The following NUP205 variants were observed in gnomAD, a reference collection of about 807,000 sequenced individuals.
The protein encoded by NUP205 is nuclear pore complex protein Nup205.
A neutral mutation model predicts 253.8 loss-of-function variants in NUP205; 76 were observed. The observed-to-expected ratio is 0.30, with a 90% CI of 0.25 to 0.36. NUP205 has a LOEUF of 0.36. Ranked by LOEUF, NUP205 falls within the 10% of genes least tolerant of loss-of-function variation. The probability of loss-of-function intolerance (pLI) is 1.00; values close to 1 mark genes in which losing one functional copy is unlikely to be tolerated. For synonymous variants in NUP205, 832 were observed against 850.1 expected (o/e 0.98, Z 0.37); for missense variants, 2,162 against 2,425.5 (o/e 0.89, Z 2.28).
At chr7:135,601,545 T>G in intron 17 of NUP205, 38 bp downstream of exon 17, 1 of 1,583,584 alleles carries the variant, frequency 6.3e-7, no homozygotes, top group Non-Finnish European at 8.6e-7. Context: ...GCAAACAGCT[T>G]TGATGTTTTC....
intron 1 of NUP205, among the ~76,000 whole-genome samples, chr7:135,570,675 AT>A (rs1417796583): frequency 2.6e-5 from 3 of 117,556 alleles, no homozygotes; most frequent in Non-Finnish European, 5.0e-5. Context: ...TATAATTAAT[AT>A]ATATTAATTA....
chr7:135,594,560 G>A lies in NUP205; in HGVS notation c.1844G>A (p.Arg615His), dbSNP rs759050051. The change falls in exon 13 of 43, where the codon CGC becomes CAC. Residue 615 changes from arginine to histidine, a missense_variant. Coordinates refer to ENST00000285968, the MANE Select transcript of NUP205 (RefSeq NM_015135.3). ...STIITWSENARLALCEHPQWT... is the reference protein window; with the variant it reads ...STIITWSENAHLALCEHPQWT... Reference sequence around the variant, plus strand: ...GTCAATTCTTAGAGTGAAAATGCTCGCTTGGCACTCTGTGAACACCCTCAG... The same window carrying A: ...GTCAATTCTTAGAGTGAAAATGCTCACTTGGCACTCTGTGAACACCCTCAG... 12 of 1,594,738 alleles carry A rather than the reference G, an allele frequency of 7.5e-6. 1 individual carries two copies. In the South Asian group the frequency reaches 1.0e-4, roughly 14 times the overall value.
intron 15 of NUP205, among the ~76,000 whole-genome samples, chr7:135,600,341 G>A (rs1188502220): frequency 2.6e-5 from 4 of 152,202 alleles, no homozygotes; most frequent in South Asian, 4.1e-4. Flanking sequence ...CTATAGTCAC[G>A]GATGGAACCC....
chr7:135,633,880 ATAC>A (rs1794759644), intron 35 of NUP205, among the ~76,000 whole-genome samples: 1 of 152,252 alleles, frequency 6.6e-6, no homozygotes, highest in Non-Finnish European at 1.5e-5. Context: ...TAAACAAGTT[ATAC>A]TACTATCAAC....
chr7:135,599,923 CCAT>C (rs562890948), intron 15 of NUP205, among the ~76,000 whole-genome samples: 2 of 152,004 alleles, frequency 1.3e-5, no homozygotes, highest in Non-Finnish European at 2.9e-5. Context: ...AGTCCTAAAT[CCAT>C]TATTATGTGG....
chr7:135,565,927 C>G (rs1334637417), intron 1 of NUP205, among the ~76,000 whole-genome samples: 1 of 152,106 alleles, frequency 6.6e-6, no homozygotes. Context: ...AGAAAATGAT[C>G]CTGAGGGAAG....
chr7:135,612,133 GA>G (rs558390175), intron 22 of NUP205, among the ~76,000 whole-genome samples: 1 of 149,858 alleles, frequency 6.7e-6, no homozygotes, highest in East Asian at 2.0e-4. Flanking sequence ...AAAAACAGAA[GA>G]AAAAAAAACA....
At chr7:135,618,377 T>C (rs1563130988) in intron 27 of NUP205, 35 bp from the exon 28 acceptor site, 5 of 1,566,662 alleles carry the variant, frequency 3.2e-6, no homozygotes, top group Middle Eastern at 1.7e-4. Flanking sequence ...CTTATTTGCC[T>C]GTTTAACCTT....
chr7:135,629,342 A>C (rs1794656483), intron 34 of NUP205, among the ~76,000 whole-genome samples: 1 of 152,126 alleles, frequency 6.6e-6, no homozygotes, highest in African/African-American at 2.4e-5. Flanking sequence ...TTTTAACCGC[A>C]TCAAAAGGAG....
Position 135,602,887 on chromosome 7 carries a change from C to G in NUP205, c.2595C>G (p.Asp865Glu), listed in dbSNP as rs1793993721. The G allele has an allele frequency of 6.2e-7, 1 of 1,613,544 alleles. No homozygotes were observed. The highest frequency in any genetic ancestry group is 2.2e-5 in the East Asian group (1 of 44,858). ...LTLQKENLFMDLLRESQLALI... is the reference protein window; with the variant it reads ...LTLQKENLFMELLRESQLALI... ...TGCAAAAGGAAAATCTTTTTATGGA[C>G]CTTCTAAGAGAGAGTCAACTGGCTC... The change falls in exon 18 of 43, where the codon GAC becomes GAG. Residue 865 changes from aspartate to glutamate, a missense_variant. This residue lies in a region of NUP205 where 892 missense variants were observed against 957.1 expected (regional missense o/e 0.93). Coordinates refer to ENST00000285968, the MANE Select transcript of NUP205 (RefSeq NM_015135.3).
rs184582802 is a variant in NUP205, at chr7:135,603,819, A to T, written c.2703-521A>T. The stretch of plus-strand genomic sequence containing the variant: ...GCCGCTGTGCCCACCCGAAATCTCT[A>T]AGTCTAAAATGACAATATTGTCTGT... On this transcript the variant is annotated intron_variant, in intron 18 of 42. Transcript: ENST00000285968. 7.3e-3 allele frequency among the ~76,000 whole-genome samples: 1,105 copies of T among 152,210 alleles called. 11 individuals carry two copies. The highest frequency in any genetic ancestry group is 0.012 in the Non-Finnish European group (830 of 67,996).
At chr7:135,564,648 C>T (rs1563106705) in intron 1 of NUP205, among the ~76,000 whole-genome samples, 3 of 151,812 alleles carry the variant, frequency 2.0e-5, no homozygotes, top group Non-Finnish European at 1.5e-5. Flanking sequence ...AGGCCTACCT[C>T]AGCCTCTCAA....
intron 8 of NUP205, among the ~76,000 whole-genome samples, 161 bp downstream of exon 8, chr7:135,585,168 A>G (rs1806422280): frequency 6.6e-6 from 1 of 152,188 alleles, no homozygotes; most frequent in African/African-American, 2.4e-5. Flanking sequence ...TTTGTGACTC[A>G]TGAAATAAGT....
In NUP205 at chr7:135,564,087, TTTC is replaced by T. The variant is rs573341594; in HGVS notation, c.28+6121_28+6123del. Among the ~76,000 whole-genome samples the T allele has an allele frequency of 8.4e-4, 127 of 152,050 alleles. 1 individual carries two copies. The highest frequency in any genetic ancestry group is 2.8e-3 in the African/African-American group (116 of 41,410). On this transcript the variant is annotated intron_variant, in intron 1 of 42. Transcript: ENST00000285968. ...CTACCTTTGGTGTTTTTTTTTTCTT[TTTC>T]TTCTTTGAGACGAGGTTTCACTCTG...
In NUP205 at chr7:135,577,780, A is replaced by T; in HGVS notation, c.649-16A>T. 1.3e-6 allele frequency: 2 copies of T among 1,577,042 alleles called. No homozygotes were observed. Among genetic ancestry groups the T allele is most frequent in the Non-Finnish European group, 1.7e-6 (2 of 1,146,648 alleles). ...CTGTAATTTATTTATACTGATAGTC[A>T]TGTTTTTATTTCTAGGTTTCTGATC... On this transcript the variant is annotated splice_polypyrimidine_tract_variant and intron_variant, in intron 5 of 42. Coordinates refer to ENST00000285968, the MANE Select transcript of NUP205 (RefSeq NM_015135.3).
chr7:135,602,922 G>C lies in NUP205; in HGVS notation c.2630G>C (p.Cys877Ser). The C allele has an allele frequency of 6.2e-7, 1 of 1,613,964 alleles. No individual in the cohort carries two copies. Residue 877 changes from cysteine (C) to serine (S), a missense_variant, in exon 18 of 43, where the codon TGT (cysteine) becomes TCT (serine). This residue lies in a region of NUP205 where 892 missense variants were observed against 957.1 expected (regional missense o/e 0.93). Transcript: ENST00000285968. ...LRESQLALIV[C>S]PLEQLLQGIN... ...GAGAGTCAACTGGCTCTAATAGTCT[G>C]TCCTTTAGAACAGCTTTTGCAGGGA...
intron 1 of NUP205, among the ~76,000 whole-genome samples, chr7:135,568,907 GT>G (rs1390538407): frequency 6.6e-6 from 1 of 152,126 alleles, no homozygotes; most frequent in Non-Finnish European, 1.5e-5. Flanking sequence ...CTGACCATCA[GT>G]TTGATCTTTT....
intron 2 of NUP205, among the ~76,000 whole-genome samples, chr7:135,572,857 G>A (rs748416252): frequency 6.6e-6 from 1 of 151,994 alleles, no homozygotes; most frequent in African/African-American, 2.4e-5. Context: ...GCCCAGTCTG[G>A]CACTTTTCTT....
chr7:135,591,324 T>G, intron 10 of NUP205, 126 bp from the exon 11 acceptor site: 1 of 696,328 alleles, frequency 1.4e-6, no homozygotes, highest in Non-Finnish European at 2.4e-6. Flanking sequence ...ATCAGTTAAA[T>G]TTGTCTGTTG....
Sources: gnomAD v4.1 joint callset for allele counts (sites outside exome capture counted in the v4.1 genomes callset) on GRCh38, gnomAD v4.1.1 for gene constraint, gnomAD v4.1.1 regional missense constraint, MANE v1.5 for transcripts, NCBI Gene and HGNC (gene_info 2026-07-23, HGNC 2026-07-21) for gene names.